The following ADGRV1 variants were observed in gnomAD, a reference collection of about 807,000 sequenced individuals.
ADGRV1 encodes G-protein coupled receptor 98.
ADGRV1 carries 359 observed loss-of-function variants against 596.2 expected under a neutral mutation model. That is an observed-to-expected ratio of 0.60 (90% confidence interval 0.55 to 0.66). The LOEUF is 0.66. Among genes scored for constraint, ADGRV1 ranks in the 30% least tolerant of loss-of-function variants. The pLI, the probability that ADGRV1 is intolerant of heterozygous loss-of-function variation, is 0.00. For synonymous variants in ADGRV1, 2,681 were observed against 2,679.2 expected (o/e 1.00, Z -0.02); for missense variants, 7,274 against 7,575.6 (o/e 0.96, Z 1.48).
chr5:90,802,891 C>T lies in ADGRV1; in HGVS notation c.14661+9C>T, dbSNP rs764205974. On this transcript the variant is annotated intron_variant, in intron 71 of 89. Coordinates refer to ENST00000405460, the MANE Select transcript of ADGRV1 (RefSeq NM_032119.4). ...AAGCTGCCAATTCTCAGGTAATTGG[C>T]CCTGTGTGTGGTTCTCTCAGCAGAA... The T allele has an allele frequency of 1.3e-6, 2 of 1,596,012 alleles. No individual in the cohort carries two copies. Among genetic ancestry groups the T allele is most frequent in the Non-Finnish European group, 1.7e-6 (2 of 1,170,586 alleles).
At chr5:91,077,360 A>G (rs920839681) in intron 86 of ADGRV1, among the ~76,000 whole-genome samples, 19 of 151,998 alleles carry the variant, frequency 1.3e-4, no homozygotes, top group African/African-American at 4.6e-4. Flanking sequence ...TGTGGATTAA[A>G]TGTGCCTGAC....
At chr5:90,986,750 A>G (rs1343958458) in intron 85 of ADGRV1, among the ~76,000 whole-genome samples, 2 of 152,174 alleles carry the variant, frequency 1.3e-5, no homozygotes, top group Admixed American at 6.5e-5. Context: ...TTTCAGAATT[A>G]TATTATGATT....
chr5:90,810,204 A>G (rs1300979284), intron 73 of ADGRV1, 29 bp from the exon 74 acceptor site: 2 of 1,498,692 alleles, frequency 1.3e-6, no homozygotes, highest in African/African-American at 2.8e-5. Context: ...TAAAAAATCA[A>G]TTTCTTCATG....
At chr5:91,134,042 CAT>C (rs755440860) in intron 87 of ADGRV1, among the ~76,000 whole-genome samples, 14 of 152,264 alleles carry the variant, frequency 9.2e-5, no homozygotes, top group South Asian at 2.1e-4. Flanking sequence ...TAATTTCACA[CAT>C]GTGTAAAATC....
Position 90,810,334 on chromosome 5 carries a change from TACATGTAC to T in ADGRV1, c.15076_15083del (p.His5026LysfsTer11). 6.2e-7 allele frequency: 1 copy of T among 1,612,932 alleles called. No homozygotes were observed. Among genetic ancestry groups the T allele is most frequent in the Non-Finnish European group, 8.5e-7 (1 of 1,179,436 alleles). On this transcript the variant is annotated frameshift_variant, in exon 74 of 90. Coordinates refer to ENST00000405460, the MANE Select transcript of ADGRV1 (RefSeq NM_032119.4). LOFTEE classifies it high-confidence loss of function. ...TCAGAAGATACACAGATGATCAGAT[TACATGTAC>T]AAAGACTATTTGGGTTCCACAGCGA...
chr5:90,823,316 T>C, intron 75 of ADGRV1, 109 bp from the exon 76 acceptor site: 2 of 1,114,512 alleles, frequency 1.8e-6, no homozygotes, highest in Non-Finnish European at 2.6e-6. Flanking sequence ...GATGAAGAGG[T>C]ACCATTTGGT....
intron 9 of ADGRV1, among the ~76,000 whole-genome samples, chr5:90,630,729 AT>A (rs1453836347): frequency 6.6e-6 from 1 of 152,080 alleles, no homozygotes; most frequent in Non-Finnish European, 1.5e-5. Context: ...TATGTTTCAT[AT>A]TTTGCCTTGA....
chr5:90,814,814 A>G (rs899727483), intron 74 of ADGRV1, among the ~76,000 whole-genome samples: 4 of 152,092 alleles, frequency 2.6e-5, no homozygotes, highest in African/African-American at 4.8e-5. Context: ...TTCGAGGCCA[A>G]TTGCTTTAGG....
chr5:90,623,586 T>C (rs1432434772), intron 5 of ADGRV1, among the ~76,000 whole-genome samples: 1 of 152,070 alleles, frequency 6.6e-6, no homozygotes, highest in East Asian at 1.9e-4. Flanking sequence ...TAAGTTTTAA[T>C]GTTTTTTGTA....
intron 20 of ADGRV1, chr5:90,655,221 A>G (rs1286447366): frequency 6.6e-6 from 1 of 152,220 alleles, no homozygotes; most frequent in Non-Finnish European, 1.5e-5. Context: ...CACCCTGCCT[A>G]CTGACTATTG....
chr5:90,853,229 A>G, intron 79 of ADGRV1, 55 bp from the exon 80 acceptor site: 5 of 1,508,914 alleles, frequency 3.3e-6, no homozygotes, highest in Non-Finnish European at 4.5e-6. Flanking sequence ...ATATAAGTGG[A>G]TATATGTATT....
intron 85 of ADGRV1, chr5:91,031,198 G>C (rs1285164592): frequency 1.3e-6 from 2 of 1,532,128 alleles, no homozygotes; most frequent in African/African-American, 2.8e-5. Flanking sequence ...GAGTAATCGA[G>C]ATTTCCAGGA....
At chr5:90,568,352 A>C (rs1755928231) in intron 1 of ADGRV1, among the ~76,000 whole-genome samples, 1 of 151,906 alleles carries the variant, frequency 6.6e-6, no homozygotes. Context: ...TCTAATTTAC[A>C]TGTGCTCTCT....
chr5:90,785,319 C>T (rs769663660), intron 67 of ADGRV1, among the ~76,000 whole-genome samples: 152 of 152,296 alleles, frequency 1.0e-3, no homozygotes, highest in Non-Finnish European at 2.0e-3. Flanking sequence ...AAAACCTAGG[C>T]AATACCATTC....
intron 85 of ADGRV1, among the ~76,000 whole-genome samples, chr5:91,034,080 T>A (rs1784680179): frequency 6.6e-6 from 1 of 152,142 alleles, no homozygotes; most frequent in South Asian, 2.1e-4. Flanking sequence ...TAACCCGATT[T>A]TTTCTATAGA....
chr5:90,670,598 CT>C (rs1237319462), intron 21 of ADGRV1, among the ~76,000 whole-genome samples: 1 of 152,060 alleles, frequency 6.6e-6, no homozygotes, highest in Non-Finnish European at 1.5e-5. Context: ...ATCGGCCAGA[CT>C]CTCCTTTGTC....
At chr5:91,085,726 A>G (rs1454813353) in intron 86 of ADGRV1, among the ~76,000 whole-genome samples, 2 of 152,120 alleles carry the variant, frequency 1.3e-5, no homozygotes, top group African/African-American at 4.8e-5. Context: ...TCACATCTTA[A>G]ATATTTCTCT....
In ADGRV1 at chr5:90,637,604, C is replaced by T. The variant is rs1337796362; in HGVS notation, c.2017-121C>T. On this transcript the variant is annotated intron_variant, in intron 10 of 89. Transcript: ENST00000405460. ...TTAATGCATTTAATAGTTCGCTTCT[C>T]TATATAGAATACATATGTTCACACA... 9 of 551,422 alleles carry T rather than the reference C, an allele frequency of 1.6e-5. No individual in the cohort carries two copies. The Admixed American group carries it at 3.1e-4, about 19-fold the overall frequency. 34.2% of individuals were successfully genotyped at this position (551,422 alleles called of 1,614,324 possible). A position where few individuals can be genotyped will look rare whatever the true frequency, so the allele number is the denominator to read the frequency against.
chr5:90,682,288 C>G (rs919296229), intron 27 of ADGRV1, among the ~76,000 whole-genome samples: 2 of 152,284 alleles, frequency 1.3e-5, no homozygotes, highest in South Asian at 2.1e-4. Context: ...AACAGCATAC[C>G]AGCTCTTATA....
Sources: allele counts gnomAD v4.1 joint callset (sites outside exome capture counted in the v4.1 genomes callset), GRCh38; gene constraint gnomAD v4.1.1; transcripts MANE v1.5; gene names NCBI Gene and HGNC (gene_info 2026-07-23, HGNC 2026-07-21).